The following KDM6A variants were observed in gnomAD, a reference collection of about 807,000 sequenced individuals.
KDM6A encodes the protein lysine-specific demethylase 6A.
In KDM6A, 11 loss-of-function variants were observed where a neutral mutation model predicts 117.6. The observed-to-expected ratio is 0.09, with a 90% confidence interval of 0.06 to 0.15. KDM6A has a LOEUF of 0.15. KDM6A is among the 10% of genes least tolerant of loss of function. KDM6A has a pLI of 1.00. For missense variants in KDM6A, 799 were observed against 1,077.3 expected, an observed-to-expected ratio of 0.74 and a Z score of 3.62; for synonymous variants, 384 against 396.1, an observed-to-expected ratio of 0.97 and a Z score of 0.36.
At chrX:45,084,626 T>C (rs2045569966) in intron 24 of KDM6A, among the ~76,000 whole-genome samples, 1 of 111,466 alleles carries the variant, frequency 9.0e-6, no homozygotes, top group Non-Finnish European at 1.9e-5. Context: ...TCCTTTTTTC[T>C]TTTTTCTTTT....
chrX:44,961,467 G>A (rs2038667466), intron 3 of KDM6A, 75 bp downstream of exon 3: 2 of 704,321 alleles, frequency 2.8e-6, no homozygotes, highest in South Asian at 2.4e-5. Flanking sequence ...TTATCAAGAG[G>A]ATTTTCCTAA....
At chrX:44,948,528 AGT>A (rs1457937745) in intron 2 of KDM6A, among the ~76,000 whole-genome samples, 1 of 111,747 alleles carries the variant, frequency 8.9e-6, no homozygotes, top group Non-Finnish European at 1.9e-5. Context: ...AATATTGGTA[AGT>A]GTTTTACATC....
Position 45,063,665 on chromosome X carries a change from A to G in KDM6A, c.1927A>G (p.Ile643Val). ...TSRTLGSTDT[I>V]LIGNNHITGS... Reference sequence around the variant, plus strand: ...AAGAACGCTGGGAAGTACAGACACTATTTTGATAGGCAATAATCATATAAC... The same window carrying G: ...AAGAACGCTGGGAAGTACAGACACTGTTTTGATAGGCAATAATCATATAAC... Residue 643 changes from isoleucine to valine, a missense_variant, in exon 17 of 30, where the codon ATT becomes GTT. Transcript: ENST00000611820. 8.3e-7 allele frequency: 1 copy of G among 1,210,489 alleles called. No homozygotes were observed. Among genetic ancestry groups the G allele is most frequent in the Non-Finnish European group, 1.1e-6 (1 of 894,815 alleles).
intron 13 of KDM6A, 27 bp downstream of exon 13, chrX:45,060,183 G>A (rs1329291521): frequency 8.3e-7 from 1 of 1,208,995 alleles, no homozygotes; most frequent in African/African-American, 1.7e-5. Context: ...TGTTCTGCAG[G>A]TGCCCAGCTT....
intron 21 of KDM6A, among the ~76,000 whole-genome samples, chrX:45,081,813 C>CTT (rs1569538098): frequency 9.1e-6 from 1 of 109,903 alleles, no homozygotes; most frequent in African/African-American, 3.3e-5. Context: ...GAGTCTCACT[C>CTT]TGTCGCCCAG....
intron 27 of KDM6A, among the ~76,000 whole-genome samples, chrX:45,093,246 G>A (rs2045961972): frequency 9.3e-6 from 1 of 107,413 alleles, no homozygotes; most frequent in Non-Finnish European, 1.9e-5. Context: ...AGCCGGGCAT[G>A]GTGATGGGCA....
intron 25 of KDM6A, among the ~76,000 whole-genome samples, 198 bp from the exon 26 acceptor site, chrX:45,089,545 A>C (rs940732285): frequency 9.1e-6 from 1 of 110,494 alleles, no homozygotes. Flanking sequence ...AAAAAAAAGT[A>C]ACACTGATCT....
chrX:44,907,347 G>T (rs1463498988), intron 2 of KDM6A, among the ~76,000 whole-genome samples: 1 of 111,003 alleles, frequency 9.0e-6, no homozygotes, highest in East Asian at 2.8e-4. Flanking sequence ...GTGCCATCTC[G>T]GCTGACTGCA....
chrX:44,987,988 T>A (rs2040337018), intron 4 of KDM6A, among the ~76,000 whole-genome samples: 1 of 111,928 alleles, frequency 8.9e-6, no homozygotes, highest in African/African-American at 3.3e-5. Context: ...TCCTGGATAA[T>A]ATCCTGCAGA....
chrX:44,990,784 T>C (rs2040540208), intron 4 of KDM6A, among the ~76,000 whole-genome samples: 1 of 111,823 alleles, frequency 8.9e-6, no homozygotes, highest in Non-Finnish European at 1.9e-5. Context: ...CTTCACTAAC[T>C]TTCACTAATT....
chrX:45,001,351 T>C (rs1439238124), intron 4 of KDM6A, among the ~76,000 whole-genome samples: 1 of 111,566 alleles, frequency 9.0e-6, no homozygotes, highest in Non-Finnish European at 1.9e-5. Flanking sequence ...TTTAGGAAAT[T>C]ACAAAAACCG....
At chrX:44,972,686 A>G (rs969490074) in intron 3 of KDM6A, among the ~76,000 whole-genome samples, 7 of 111,423 alleles carry the variant, frequency 6.3e-5, no homozygotes, top group African/African-American at 2.3e-4. Flanking sequence ...CATGACCAAT[A>G]TGAACCAGGA....
intron 18 of KDM6A, 129 bp from the exon 19 acceptor site, chrX:45,076,568 A>G (rs765427284): frequency 2.1e-6 from 1 of 484,012 alleles, no homozygotes; most frequent in Admixed American, 3.8e-5. Flanking sequence ...TGATGGATCC[A>G]CATCCCACAT....
intron 5 of KDM6A, among the ~76,000 whole-genome samples, chrX:45,014,308 C>T (rs1197901263): frequency 9.0e-6 from 1 of 111,560 alleles, no homozygotes; most frequent in Non-Finnish European, 1.9e-5. Context: ...TGGTCAGCCT[C>T]TAGATAGTTC....
chrX:44,911,230 C>T (rs1271955722), intron 2 of KDM6A, among the ~76,000 whole-genome samples: 1 of 105,238 alleles, frequency 9.5e-6, no homozygotes, highest in Non-Finnish European at 2.0e-5. Context: ...ACTTCCCGGA[C>T]GGGGCGGCTG....
At chrX:44,891,719 C>T (rs930483747) in intron 2 of KDM6A, among the ~76,000 whole-genome samples, 24 of 111,792 alleles carry the variant, frequency 2.1e-4, no homozygotes, top group African/African-American at 5.5e-4. Flanking sequence ...TATAACCTGA[C>T]GCGTCCACCC....
Position 45,062,665 on chromosome X carries a change from G to A in KDM6A, c.1600G>A (p.Ala534Thr), listed in dbSNP as rs1322780338. 6 of 1,204,350 alleles carry A rather than the reference G, an allele frequency of 5.0e-6. No homozygotes were observed. The highest frequency in any genetic ancestry group is 2.3e-4 in the Middle Eastern group (1 of 4,279). The change falls in exon 16 of 30, where the codon GCA becomes ACA. Residue 534 changes from alanine to threonine, a missense_variant. Coordinates refer to ENST00000611820, the MANE Select transcript of KDM6A (RefSeq NM_001291415.2). ...QKLQHLEQLR[A>T]NRNNLNPAQK... ...CTTCTAGCATTTGGAACAGCTCCGCGCAAATAGAAATAATTTAAATCCAGC... is the reference window on the plus strand; with the variant it reads ...CTTCTAGCATTTGGAACAGCTCCGCACAAATAGAAATAATTTAAATCCAGC...
chrX:45,023,824 A>G (rs1412239021), intron 6 of KDM6A, among the ~76,000 whole-genome samples: 1 of 110,220 alleles, frequency 9.1e-6, no homozygotes, highest in Non-Finnish European at 1.9e-5. Flanking sequence ...CCCAAAGTCC[A>G]TTATCTCATT....
intron 9 of KDM6A, among the ~76,000 whole-genome samples, chrX:45,052,166 A>G (rs1489849765): frequency 8.9e-6 from 1 of 112,302 alleles, no homozygotes; most frequent in East Asian, 2.8e-4. Flanking sequence ...AGTTATAATG[A>G]CTACAAAACA....
Sources: allele counts gnomAD v4.1 joint callset (sites outside exome capture counted in the v4.1 genomes callset), GRCh38; gene constraint gnomAD v4.1.1; transcripts MANE v1.5; gene names NCBI Gene and HGNC (gene_info 2026-07-23, HGNC 2026-07-21).